LGSN: variants seen among roughly 807,000 people sequenced by gnomAD.
LGSN encodes lengsin, lens protein with glutamine synthetase domain, also known as lengsin.
A neutral mutation model predicts 19.5 loss-of-function variants in LGSN; 21 were observed. The ratio of observed to expected loss-of-function variants is 1.07; its 90% CI spans 0.76 to 1.55. The LOEUF is 1.55. Ranked by LOEUF, LGSN falls within the 40% of genes most tolerant of loss-of-function variation. LGSN has a pLI of 0.00. For synonymous variants in LGSN, 257 were observed against 215.6 expected, an observed-to-expected ratio of 1.19 and a Z score of -1.68; for missense variants, 673 against 608.5, an observed-to-expected ratio of 1.11 and a Z score of -1.12.
At chr6:63,336,555 G>GTATATATATA in the LGSN span, among the ~76,000 whole-genome samples, 4 of 142,052 alleles carry the variant, frequency 2.8e-5, no homozygotes, top group African/African-American at 1.1e-4. Context: ...GTGTGTGTGT[G>GTATATATATA]TGTGTGTATA....
At chr6:63,367,811 A>C in the LGSN span, among the ~76,000 whole-genome samples, 5 of 151,760 alleles carry the variant, frequency 3.3e-5, no homozygotes, top group Non-Finnish European at 5.9e-5. Context: ...TGAAGCTGGA[A>C]ACCATCATTC....
At chr6:63,423,908 C>T in the LGSN span, among the ~76,000 whole-genome samples, 38 of 152,124 alleles carry the variant, frequency 2.5e-4, no homozygotes, top group Non-Finnish European at 3.8e-4. Context: ...GGCATGGTGG[C>T]GCATGCCTGT....
At chr6:63,295,228 T>C (rs1232416734) in intron 1 of LGSN, among the ~76,000 whole-genome samples, 183 bp from the exon 2 acceptor site, 2 of 152,230 alleles carry the variant, frequency 1.3e-5, no homozygotes, top group African/African-American at 4.8e-5. Context: ...CCCAGCGTTG[T>C]GCTGATAGGC....
At chr6:63,386,497 T>C in the LGSN span, among the ~76,000 whole-genome samples, 1 of 152,188 alleles carries the variant, frequency 6.6e-6, no homozygotes, top group Admixed American at 6.5e-5. Context: ...CTGTCTTTCA[T>C]ATTTCCAATC....
At chr6:63,497,434 C>T in the LGSN span, among the ~76,000 whole-genome samples, 2 of 151,804 alleles carry the variant, frequency 1.3e-5, no homozygotes, top group Non-Finnish European at 2.9e-5. Flanking sequence ...CTGTAATCCC[C>T]GCTATTCAGG....
At chr6:63,519,256 G>A in the LGSN span, among the ~76,000 whole-genome samples, 9 of 151,018 alleles carry the variant, frequency 6.0e-5, no homozygotes, top group Admixed American at 4.0e-4. Context: ...GCAGTGAGCC[G>A]AGATCACACC....
chr6:63,331,810 C>G, the LGSN span, among the ~76,000 whole-genome samples: 1 of 152,292 alleles, frequency 6.6e-6, no homozygotes, highest in South Asian at 2.1e-4. Context: ...GCACCCTTGC[C>G]TGTCCTCCTA....
At chr6:63,444,324 G>T in the LGSN span, among the ~76,000 whole-genome samples, 2 of 152,182 alleles carry the variant, frequency 1.3e-5, no homozygotes, top group African/African-American at 4.8e-5. Flanking sequence ...AGGGAGGCTA[G>T]CTTCAAATTC....
the LGSN span, among the ~76,000 whole-genome samples, chr6:63,372,500 G>A: frequency 1.3e-5 from 2 of 152,076 alleles, no homozygotes; most frequent in East Asian, 1.9e-4. Context: ...AAGAGGGGGG[G>A]AAATAATGAT....
the LGSN span, among the ~76,000 whole-genome samples, chr6:63,491,282 A>AAC: frequency 6.6e-6 from 1 of 152,140 alleles, no homozygotes; most frequent in Non-Finnish European, 1.5e-5. Flanking sequence ...CCCTACAGCA[A>AAC]TGCTTTTTGC....
chr6:63,443,580 T>C, the LGSN span: 1 of 1,048,902 alleles, frequency 9.5e-7, no homozygotes, highest in Non-Finnish European at 1.2e-6. Flanking sequence ...CTCTCAGCAG[T>C]GAGCTTGTCC....
chr6:63,548,002 G>A, the LGSN span, among the ~76,000 whole-genome samples: 1 of 152,032 alleles, frequency 6.6e-6, no homozygotes, highest in African/African-American at 2.4e-5. Flanking sequence ...TTCACAATCA[G>A]GAACTTGTTT....
At chr6:63,477,670 C>T in the LGSN span, among the ~76,000 whole-genome samples, 152 of 59,514 alleles carry the variant, frequency 2.6e-3, no homozygotes, top group Middle Eastern at 0.012. Flanking sequence ...TCTTTTTCTT[C>T]TTCTTCTTCT....
At chr6:63,530,242 G>C in the LGSN span, among the ~76,000 whole-genome samples, 1 of 152,124 alleles carries the variant, frequency 6.6e-6, no homozygotes, top group African/African-American at 2.4e-5. Context: ...ACTGGAGTCA[G>C]CAGATTATTC....
the LGSN span, among the ~76,000 whole-genome samples, chr6:63,349,448 G>C: frequency 6.6e-5 from 10 of 152,306 alleles, no homozygotes; most frequent in Non-Finnish European, 1.5e-4. Flanking sequence ...TCTAGGTGTT[G>C]CTGTGAAAAG....
chr6:63,502,058 C>G, the LGSN span, among the ~76,000 whole-genome samples: 1 of 152,170 alleles, frequency 6.6e-6, no homozygotes, highest in African/African-American at 2.4e-5. Flanking sequence ...CTTTGGCCTC[C>G]CAAAATGTTG....
At chr6:63,292,161 G>C (rs916716025) in intron 2 of LGSN, among the ~76,000 whole-genome samples, 1 of 152,152 alleles carries the variant, frequency 6.6e-6, no homozygotes, top group African/African-American at 2.4e-5. Context: ...TAAATGTACT[G>C]TTGCCTGGAG....
the LGSN span, among the ~76,000 whole-genome samples, chr6:63,382,632 C>T: frequency 5.0e-4 from 76 of 152,282 alleles, 1 homozygote; most frequent in African/African-American, 1.8e-3. Flanking sequence ...AGTCCTAAGA[C>T]ACATTTTATG....
the LGSN span, among the ~76,000 whole-genome samples, chr6:63,502,075 C>T: frequency 6.6e-6 from 1 of 152,216 alleles, no homozygotes; most frequent in African/African-American, 2.4e-5. Flanking sequence ...GTTGGGATTA[C>T]AGGCATGAGT....
Sources: allele counts gnomAD v4.1 joint callset (sites outside exome capture counted in the v4.1 genomes callset), GRCh38; gene constraint gnomAD v4.1.1; transcripts MANE v1.5; gene names NCBI Gene and HGNC (gene_info 2026-07-23, HGNC 2026-07-21).